COG5: variants seen among roughly 807,000 people sequenced by gnomAD.
The protein encoded by COG5 is component of oligomeric golgi complex 5.
A neutral mutation model predicts 110.4 loss-of-function variants in COG5; 86 were observed. The ratio of observed to expected loss-of-function variants is 0.78; its 90% CI spans 0.65 to 0.93. COG5 has a LOEUF of 0.93. Ranked by LOEUF, COG5 falls within the 40% of genes least tolerant of loss-of-function variation. The pLI is 0.00. For synonymous variants in COG5, 360 were observed against 334.6 expected (o/e 1.08, Z -0.83); for missense variants, 1,077 against 987.0 (o/e 1.09, Z -1.22).
At chr7:107,271,954 TA>T (rs1439927676) in intron 14 of COG5, among the ~76,000 whole-genome samples, 7 of 152,222 alleles carry the variant, frequency 4.6e-5, no homozygotes, top group African/African-American at 1.2e-4. Flanking sequence ...TAGTTTGAAA[TA>T]TTTTTTTAAA....
At chr7:107,302,042 C>T (rs1807310565) in intron 11 of COG5, among the ~76,000 whole-genome samples, 1 of 151,928 alleles carries the variant, frequency 6.6e-6, no homozygotes. Context: ...GATATTTGTC[C>T]AATAAAAATA....
intron 19 of COG5, among the ~76,000 whole-genome samples, chr7:107,229,627 TAA>T (rs1287004745): frequency 1.3e-5 from 2 of 152,178 alleles, no homozygotes; most frequent in Non-Finnish European, 2.9e-5. Context: ...GAAAAAAATC[TAA>T]GTGTTCAGCA....
chr7:107,478,823 T>G (rs1797142576), intron 6 of COG5, among the ~76,000 whole-genome samples: 1 of 151,966 alleles, frequency 6.6e-6, no homozygotes, highest in Non-Finnish European at 1.5e-5. Context: ...GAAATTAGAC[T>G]TAAGGGTCAA....
intron 1 of COG5, among the ~76,000 whole-genome samples, chr7:107,559,013 T>C (rs1803564345): frequency 1.4e-5 from 2 of 147,778 alleles, no homozygotes; most frequent in African/African-American, 5.0e-5. Context: ...AAATTGACTC[T>C]ATATATATAT....
chr7:107,304,708 A>G (rs1327524429), intron 11 of COG5, among the ~76,000 whole-genome samples: 1 of 152,154 alleles, frequency 6.6e-6, no homozygotes, highest in East Asian at 1.9e-4. Flanking sequence ...CTTCTCCTGC[A>G]TCTCCCTATA....
intron 7 of COG5, among the ~76,000 whole-genome samples, chr7:107,403,259 T>C (rs989410654): frequency 2.6e-5 from 4 of 152,166 alleles, no homozygotes; most frequent in African/African-American, 9.7e-5. Context: ...CAAAATACCA[T>C]AGACTGGGCT....
At chr7:107,426,118 T>C (rs191729263) in intron 6 of COG5, among the ~76,000 whole-genome samples, 51 of 152,310 alleles carry the variant, frequency 3.3e-4, no homozygotes, top group African/African-American at 1.2e-3. Flanking sequence ...GATTTTGGAC[T>C]TCTAGCCTCC....
intron 7 of COG5, among the ~76,000 whole-genome samples, chr7:107,373,953 G>A (rs1814415422): frequency 6.6e-6 from 1 of 151,944 alleles, no homozygotes. Flanking sequence ...CACACACAGA[G>A]GCAAAGTAGA....
At chr7:107,291,569 C>T (rs748023536) in intron 12 of COG5, among the ~76,000 whole-genome samples, 6 of 152,166 alleles carry the variant, frequency 3.9e-5, no homozygotes, top group Non-Finnish European at 7.3e-5. Flanking sequence ...CTAATAGTCA[C>T]CTTGAGATGG....
At chr7:107,472,656 C>T (rs1278381566) in intron 6 of COG5, 1 of 151,688 alleles carries the variant, frequency 6.6e-6, no homozygotes, top group Admixed American at 6.6e-5. Context: ...ATAAATATAC[C>T]TCTAGTAATA....
chr7:107,423,408 T>C (rs953753223), intron 6 of COG5, among the ~76,000 whole-genome samples: 2 of 152,166 alleles, frequency 1.3e-5, no homozygotes, highest in Non-Finnish European at 1.5e-5. Context: ...CATACAAGAT[T>C]ATCTGAGTTG....
At chr7:107,341,919 T>C (rs1309004359) in intron 10 of COG5, among the ~76,000 whole-genome samples, 1 of 152,128 alleles carries the variant, frequency 6.6e-6, no homozygotes, top group Non-Finnish European at 1.5e-5. Context: ...CCACAAACTA[T>C]AAAAATTCTA....
intron 6 of COG5, among the ~76,000 whole-genome samples, chr7:107,445,501 T>TCTTCAA (rs1363508365): frequency 3.3e-5 from 5 of 152,186 alleles, no homozygotes; most frequent in Non-Finnish European, 5.9e-5. Flanking sequence ...AGACTACTAT[T>TCTTCAA]TACAAACAGG....
At chr7:107,334,659 A>T (rs567270894) in intron 10 of COG5, among the ~76,000 whole-genome samples, 3 of 152,152 alleles carry the variant, frequency 2.0e-5, no homozygotes, top group Non-Finnish European at 4.4e-5. Context: ...AAAAAATGCT[A>T]TCCAAAATAC....
At position 107,211,164 on chromosome 7, in the gene COG5, G is replaced by C. The variant is rs1409796532; in HGVS notation, c.2230C>G (p.Pro744Ala). 2 of 1,613,946 alleles carry C rather than the reference G, an allele frequency of 1.2e-6. No individual in the cohort carries two copies. Among genetic ancestry groups the C allele is most frequent in the Admixed American group, 1.7e-5 (1 of 60,026 alleles). Residue 744 changes from proline (P) to alanine (A), a missense_variant, in exon 20 of 22, where the codon CCG (proline) becomes GCG (alanine). By Grantham distance (27) the Pro-to-Ala change is conservative. Coordinates refer to ENST00000297135, the MANE Select transcript of COG5 (RefSeq NM_006348.5). ...ASSPALGDVI[P>A]FSIIIQFLFT... ...AAAAACTGAATAATGATGCTGAACG[G>C]AATCACATCCCCCAATGCAGGACTA...
chr7:107,313,386 T>C (rs188084589), intron 11 of COG5, among the ~76,000 whole-genome samples: 36 of 152,280 alleles, frequency 2.4e-4, no homozygotes, highest in Admixed American at 1.6e-3. Context: ...AACAAGCATG[T>C]GGAAAAACTA....
chr7:107,347,218 G>A (rs966988747), intron 10 of COG5, among the ~76,000 whole-genome samples: 2 of 152,096 alleles, frequency 1.3e-5, no homozygotes, highest in Admixed American at 6.5e-5. Context: ...GAGGTATTAC[G>A]TATGATCCTA....
At chr7:107,410,010 G>C (rs964778877) in intron 7 of COG5, among the ~76,000 whole-genome samples, 3 of 151,962 alleles carry the variant, frequency 2.0e-5, no homozygotes, top group African/African-American at 7.2e-5. Flanking sequence ...ACAGTTGTCT[G>C]TTTTGTTTTG....
At chr7:107,390,983 C>A (rs1169869984) in intron 7 of COG5, among the ~76,000 whole-genome samples, 1 of 151,814 alleles carries the variant, frequency 6.6e-6, no homozygotes, top group African/African-American at 2.4e-5. Context: ...TGAGCTATAG[C>A]AAGGTAATTA....
Sources: gnomAD v4.1 joint callset for allele counts (sites outside exome capture counted in the v4.1 genomes callset) on GRCh38, gnomAD v4.1.1 for gene constraint, MANE v1.5 for transcripts, NCBI Gene and HGNC (gene_info 2026-07-23, HGNC 2026-07-21) for gene names.